The following NWD2 variants were observed in gnomAD, a reference collection of about 807,000 sequenced individuals.
The protein encoded by NWD2 is NACHT and WD repeat domain-containing protein 2.
A neutral mutation model predicts 132.7 loss-of-function variants in NWD2; 37 were observed. The observed-to-expected ratio is 0.28, with a 90% confidence interval of 0.21 to 0.37. NWD2 has a LOEUF of 0.37. Among genes scored for constraint, NWD2 ranks in the 10% least tolerant of loss-of-function variants. The probability of loss-of-function intolerance (pLI) is 1.00; values close to 1 mark genes in which losing one functional copy is unlikely to be tolerated. For missense variants in NWD2, 1,592 were observed against 2,122.4 expected (o/e 0.75, Z 4.91); for synonymous variants, 705 against 803.0 (o/e 0.88, Z 2.06).
intron 2 of NWD2, among the ~76,000 whole-genome samples, chr4:37,342,174 G>A (rs1022568827): frequency 8.5e-5 from 13 of 152,128 alleles, no homozygotes; most frequent in East Asian, 1.9e-4. Context: ...CTTCTTGAAC[G>A]GCATTGATGC....
At chr4:37,249,857 C>A (rs572963577) in intron 1 of NWD2, among the ~76,000 whole-genome samples, 6 of 152,202 alleles carry the variant, frequency 3.9e-5, no homozygotes, top group Admixed American at 1.3e-4. Flanking sequence ...ACTCTTCATG[C>A]CTTTGGGGTC....
intron 2 of NWD2, among the ~76,000 whole-genome samples, chr4:37,351,858 A>G (rs935941625): frequency 3.3e-5 from 5 of 152,170 alleles, no homozygotes; most frequent in African/African-American, 7.2e-5. Context: ...GCTATGTCCC[A>G]GAGATTCTGG....
At chr4:37,375,327 CA>C (rs1230427909) in intron 3 of NWD2, among the ~76,000 whole-genome samples, 1 of 152,146 alleles carries the variant, frequency 6.6e-6, no homozygotes, top group Non-Finnish European at 1.5e-5. Flanking sequence ...TCTCATCATT[CA>C]AAAATTATCA....
intron 2 of NWD2, among the ~76,000 whole-genome samples, chr4:37,351,407 G>A (rs934835687): frequency 5.3e-5 from 8 of 152,030 alleles, no homozygotes; most frequent in East Asian, 1.9e-4. Flanking sequence ...TTTAGACTTG[G>A]GAGGCTGTAT....
intron 1 of NWD2, among the ~76,000 whole-genome samples, chr4:37,317,779 A>T (rs992078762): frequency 1.2e-4 from 18 of 152,192 alleles, no homozygotes; most frequent in African/African-American, 4.3e-4. Context: ...GCCATACTCC[A>T]TCAAGTATTT....
At chr4:37,421,951 G>A (rs1386633762) in intron 3 of NWD2, among the ~76,000 whole-genome samples, 1 of 152,062 alleles carries the variant, frequency 6.6e-6, no homozygotes, top group Non-Finnish European at 1.5e-5. Context: ...CCATCTTCTC[G>A]CTGTGTCCTC....
At chr4:37,363,160 T>C (rs2109302971) in intron 3 of NWD2, among the ~76,000 whole-genome samples, 1 of 152,258 alleles carries the variant, frequency 6.6e-6, no homozygotes, top group South Asian at 2.1e-4. Context: ...AAACAACAGA[T>C]GCTGGTGAGG....
intron 3 of NWD2, among the ~76,000 whole-genome samples, chr4:37,403,222 C>A (rs56699136): frequency 6.6e-6 from 1 of 152,098 alleles, no homozygotes; most frequent in Non-Finnish European, 1.5e-5. Context: ...CAGACAAGGA[C>A]CCTTCATTCT....
rs571386738 is a variant in NWD2 at position 37,245,034 on chromosome 4, C to T, written c.-34C>T. 2 of 1,538,388 alleles carry T rather than the reference C, an allele frequency of 1.3e-6. No individual in the cohort carries two copies. Among genetic ancestry groups the T allele is most frequent in the Non-Finnish European group, 1.7e-6 (2 of 1,144,482 alleles). On this transcript the variant is annotated 5_prime_UTR_variant, in exon 1 of 7. Transcript: ENST00000309447. Reference sequence around the variant, plus strand: ...CAGGAACCCGAGGAGCAGGAGGTGGCGGCGGCGGCAGTGGCTGTTCCTCCC... The same window carrying T: ...CAGGAACCCGAGGAGCAGGAGGTGGTGGCGGCGGCAGTGGCTGTTCCTCCC...
intron 3 of NWD2, among the ~76,000 whole-genome samples, chr4:37,369,907 T>C (rs1720181306): frequency 6.6e-6 from 1 of 152,222 alleles, no homozygotes; most frequent in African/African-American, 2.4e-5. Context: ...GATGGCTTTG[T>C]GGGACTTCTC....
chr4:37,446,250 CCAGGGTTTGGAG>C lies in NWD2; in HGVS notation c.4263_4274del (p.Arg1422_Arg1425del). Reference sequence around the variant, plus strand: ...GTCTCGCTCTGTGAGGAAAATGCCTCCAGGGTTTGGAGGCTCGCCACAGGCCACAGGGTCTGC... The same window carrying C: ...GTCTCGCTCTGTGAGGAAAATGCCTCGCTCGCCACAGGCCACAGGGTCTGC... On this transcript the variant is annotated inframe_deletion, in exon 7 of 7. Coordinates refer to ENST00000309447, the MANE Select transcript of NWD2 (RefSeq NM_001144990.2). This position sits in a 1 kb window ranked among gnomAD's most constrained non-coding sequence, Gnocchi z 6.7. 6.4e-7 allele frequency: 1 copy of C among 1,551,638 alleles called. No individual in the cohort carries two copies. The highest frequency in any genetic ancestry group is 8.7e-7 in the Non-Finnish European group (1 of 1,146,996).
At chr4:37,333,339 A>G (rs1291885136) in intron 2 of NWD2, among the ~76,000 whole-genome samples, 2 of 152,220 alleles carry the variant, frequency 1.3e-5, no homozygotes, top group Admixed American at 1.3e-4. Flanking sequence ...AGTGGTGGTC[A>G]TAAGGATGCT....
At chr4:37,354,231 G>A (rs1305826475) in intron 2 of NWD2, among the ~76,000 whole-genome samples, 1 of 152,104 alleles carries the variant, frequency 6.6e-6, no homozygotes, top group African/African-American at 2.4e-5. Flanking sequence ...ATCCCAGAGG[G>A]GCACCCACCA....
intron 2 of NWD2, among the ~76,000 whole-genome samples, chr4:37,350,084 C>T (rs1030126751): frequency 9.9e-5 from 15 of 151,998 alleles, no homozygotes; most frequent in East Asian, 1.9e-4. Context: ...TTTTCATTAC[C>T]GTAGCCTTGT....
intron 2 of NWD2, among the ~76,000 whole-genome samples, chr4:37,347,506 T>G (rs1195621743): frequency 6.6e-6 from 1 of 152,160 alleles, no homozygotes; most frequent in Non-Finnish European, 1.5e-5. Context: ...TTTATTAAAA[T>G]TATACAGTTT....
intron 3 of NWD2, among the ~76,000 whole-genome samples, chr4:37,379,041 C>G (rs1489710543): frequency 1.3e-5 from 2 of 152,148 alleles, no homozygotes; most frequent in Admixed American, 1.3e-4. Flanking sequence ...TGAAACTTGC[C>G]AAATCCTTGA....
intron 1 of NWD2, among the ~76,000 whole-genome samples, chr4:37,309,029 A>G (rs1718774047): frequency 6.6e-6 from 1 of 152,204 alleles, no homozygotes; most frequent in Non-Finnish European, 1.5e-5. Context: ...GGATTGCATG[A>G]GAGAGCACAG....
chr4:37,343,907 G>T (rs1030016802), intron 2 of NWD2, among the ~76,000 whole-genome samples: 8 of 151,996 alleles, frequency 5.3e-5, no homozygotes, highest in Non-Finnish European at 8.8e-5. Flanking sequence ...TTATTTGCTG[G>T]TTTTTTGTTT....
At chr4:37,383,269 C>T (rs949632765) in intron 3 of NWD2, among the ~76,000 whole-genome samples, 5 of 152,212 alleles carry the variant, frequency 3.3e-5, no homozygotes, top group African/African-American at 4.8e-5. Context: ...CTTTCTCCCT[C>T]TCCCCCTTTG....
Sources: allele counts gnomAD v4.1 joint callset (sites outside exome capture counted in the v4.1 genomes callset), GRCh38; gene constraint gnomAD v4.1.1; non-coding constraint Gnocchi (gnomAD v3.1); transcripts MANE v1.5; gene names NCBI Gene and HGNC (gene_info 2026-07-23, HGNC 2026-07-21).